GSTCD: variants seen among roughly 807,000 people sequenced by gnomAD.
GSTCD encodes the protein glutathione S-transferase C-terminal domain-containing protein.
Under a neutral mutation model 68.3 loss-of-function variants are expected in GSTCD, and 44 were observed. The observed-to-expected ratio is 0.64, with a 90% CI of 0.51 to 0.83. The LOEUF (loss-of-function observed/expected upper bound fraction) is 0.83, where lower values mean the gene tolerates loss of function less well. Ranked by LOEUF, GSTCD falls within the 40% of genes least tolerant of loss-of-function variation. The pLI is 0.00. For synonymous variants in GSTCD, 273 were observed against 255.2 expected (o/e 1.07, Z -0.67); for missense variants, 739 against 735.9 (o/e 1.00, Z -0.05).
intron 5 of GSTCD, among the ~76,000 whole-genome samples, chr4:105,768,129 G>A (rs1273197847): frequency 6.6e-6 from 1 of 151,224 alleles, no homozygotes; most frequent in African/African-American, 2.4e-5. Context: ...TCCACCTGCC[G>A]GGTTCCCGCC....
At chr4:105,740,889 C>T (rs1733611750) in intron 5 of GSTCD, among the ~76,000 whole-genome samples, 1 of 152,020 alleles carries the variant, frequency 6.6e-6, no homozygotes, top group South Asian at 2.1e-4. Context: ...CACAAATTTT[C>T]AGCAATCCCC....
At chr4:105,715,845 A>T (rs1275613361) in intron 1 of GSTCD, among the ~76,000 whole-genome samples, 1 of 151,994 alleles carries the variant, frequency 6.6e-6, no homozygotes, top group Non-Finnish European at 1.5e-5. Flanking sequence ...TCTGGTACGT[A>T]TTTCCATGGT....
chr4:105,709,493 T>C (rs560383133), intron 1 of GSTCD, among the ~76,000 whole-genome samples: 1 of 152,348 alleles, frequency 6.6e-6, no homozygotes, highest in South Asian at 2.1e-4. Flanking sequence ...ACTTGCTTCA[T>C]TTGGGGCCAT....
intron 5 of GSTCD, among the ~76,000 whole-genome samples, chr4:105,732,458 G>C (rs530553930): frequency 1.6e-4 from 25 of 152,258 alleles, no homozygotes; most frequent in African/African-American, 6.0e-4. Context: ...ATTTCTTCTA[G>C]ATTTTCTAGT....
chr4:105,746,464 GA>G (rs1371967685), intron 5 of GSTCD: 2 of 152,148 alleles, frequency 1.3e-5, no homozygotes, highest in Non-Finnish European at 2.9e-5. Context: ...AGTTTTATCA[GA>G]AGGAGATATT....
chr4:105,746,840 A>G (rs1014585017), intron 5 of GSTCD, among the ~76,000 whole-genome samples: 11 of 152,236 alleles, frequency 7.2e-5, no homozygotes, highest in Admixed American at 7.2e-4. Flanking sequence ...AGGAAAAAAT[A>G]TAAAACAAGG....
chr4:105,812,397 C>G (rs1379180394), intron 5 of GSTCD, among the ~76,000 whole-genome samples: 1 of 152,002 alleles, frequency 6.6e-6, no homozygotes, highest in South Asian at 2.1e-4. Flanking sequence ...GACAGGGTCT[C>G]ACTGTGTTGA....
At chr4:105,742,163 G>C (rs1191872595) in intron 5 of GSTCD, among the ~76,000 whole-genome samples, 2 of 152,212 alleles carry the variant, frequency 1.3e-5, no homozygotes, top group South Asian at 4.1e-4. Context: ...AATAAAGGCT[G>C]TATTAATCCT....
At chr4:105,741,917 T>C (rs1410464209) in intron 5 of GSTCD, among the ~76,000 whole-genome samples, 4 of 151,898 alleles carry the variant, frequency 2.6e-5, no homozygotes, top group Non-Finnish European at 5.9e-5. Flanking sequence ...ATTTCAAACA[T>C]TGCATGATAA....
At chr4:105,711,535 C>T (rs1455419432) in intron 1 of GSTCD, among the ~76,000 whole-genome samples, 1 of 151,924 alleles carries the variant, frequency 6.6e-6, no homozygotes, top group Non-Finnish European at 1.5e-5. Flanking sequence ...TTTAATAGTG[C>T]CAGTTGATAA....
chr4:105,815,515 A>C (rs868644849), intron 5 of GSTCD, among the ~76,000 whole-genome samples: 15 of 152,332 alleles, frequency 9.8e-5, no homozygotes, highest in Middle Eastern at 6.8e-3. Flanking sequence ...TATGACAAAA[A>C]AATCAAAGAA....
At position 105,767,047 on chromosome 4, in the gene GSTCD, G is replaced by C. The variant is rs75317574; in HGVS notation, c.1240+37548G>C. Among the ~76,000 whole-genome samples the C allele has an allele frequency of 8.4e-3, 1,273 of 152,118 alleles. 21 individuals carry two copies. The highest frequency in any genetic ancestry group is 0.029 in the African/African-American group (1,200 of 41,458). The stretch of plus-strand genomic sequence containing the variant: ...TGATTCATGAATTGAGTCGCCCCCA[G>C]AACAGAATATGTTGAGAGTGATTCC... On this transcript the variant is annotated intron_variant, in intron 5 of 11. Transcript: ENST00000515279.
intron 5 of GSTCD, among the ~76,000 whole-genome samples, chr4:105,769,810 C>A (rs999728455): frequency 1.3e-5 from 2 of 152,136 alleles, no homozygotes; most frequent in Admixed American, 6.5e-5. Flanking sequence ...GGCTGGAATG[C>A]AATGGCACAT....
chr4:105,753,710 C>A (rs1348022750), intron 5 of GSTCD, among the ~76,000 whole-genome samples: 2 of 151,994 alleles, frequency 1.3e-5, no homozygotes. Flanking sequence ...AGAATCAATC[C>A]TTCACTGATA....
intron 5 of GSTCD, among the ~76,000 whole-genome samples, chr4:105,802,596 A>G (rs962322381): frequency 4.6e-5 from 7 of 152,038 alleles, no homozygotes; most frequent in Non-Finnish European, 5.9e-5. Flanking sequence ...CCTTCCATAT[A>G]TTCTGGTCTT....
chr4:105,721,645 T>C (rs1732861345), intron 3 of GSTCD, among the ~76,000 whole-genome samples: 1 of 151,998 alleles, frequency 6.6e-6, no homozygotes, highest in African/African-American at 2.4e-5. Context: ...GATGAGGTGT[T>C]TTTTTTGTTT....
At chr4:105,801,709 A>G (rs1253035146) in intron 5 of GSTCD, among the ~76,000 whole-genome samples, 2 of 152,000 alleles carry the variant, frequency 1.3e-5, no homozygotes, top group Non-Finnish European at 2.9e-5. Context: ...AAAATGGGTA[A>G]TTATGTTGGG....
chr4:105,742,563 A>G (rs985205573), intron 5 of GSTCD, among the ~76,000 whole-genome samples: 1 of 152,220 alleles, frequency 6.6e-6, no homozygotes, highest in Non-Finnish European at 1.5e-5. Flanking sequence ...AATTGTTGGT[A>G]CAGTCGGTGC....
At chr4:105,791,074 G>A (rs185897989) in intron 5 of GSTCD, among the ~76,000 whole-genome samples, 11 of 152,016 alleles carry the variant, frequency 7.2e-5, no homozygotes, top group Admixed American at 7.2e-4. Flanking sequence ...CCATTCCTCT[G>A]ATATAATAGA....
Sources: allele counts gnomAD v4.1 joint callset (sites outside exome capture counted in the v4.1 genomes callset), GRCh38; gene constraint gnomAD v4.1.1; transcripts MANE v1.5; gene names NCBI Gene and HGNC (gene_info 2026-07-23, HGNC 2026-07-21).